NFIC: variants seen among roughly 807,000 people sequenced by gnomAD.
NFIC encodes nuclear factor I C.
A neutral mutation model predicts 54.4 loss-of-function variants in NFIC; 12 were observed. The ratio of observed to expected loss-of-function variants is 0.22; its 90% CI spans 0.14 to 0.36. The LOEUF is 0.36. NFIC is among the 10% of genes least tolerant of loss of function. NFIC has a pLI of 1.00. For missense variants in NFIC, 575 were observed against 718.2 expected, an observed-to-expected ratio of 0.80 and a Z score of 2.28; for synonymous variants, 322 against 319.2, an observed-to-expected ratio of 1.01 and a Z score of -0.09.
upstream of NFIC, among the ~76,000 whole-genome samples, chr19:3,363,263 A>ATTT (rs1210474799): frequency 2.0e-4 from 12 of 60,888 alleles, no homozygotes; most frequent in African/African-American, 6.3e-4. Context: ...ATATATATAT[A>ATTT]TATATATTTT....
At chr19:3,417,873 C>T (rs1227413380) in intron 2 of NFIC, among the ~76,000 whole-genome samples, 1 of 150,046 alleles carries the variant, frequency 6.7e-6, no homozygotes, top group Non-Finnish European at 1.5e-5. Context: ...CTCCTGACCT[C>T]ATGATCCGCC....
At chr19:3,387,346 A>G (rs1014672038) in intron 2 of NFIC, among the ~76,000 whole-genome samples, 1 of 152,122 alleles carries the variant, frequency 6.6e-6, no homozygotes, top group Non-Finnish European at 1.5e-5. Context: ...TACTAAAAAT[A>G]CAAAAATTAG....
Position 3,434,355 on chromosome 19 carries a change from C to A in NFIC, c.788C>A (p.Ala263Asp), listed in dbSNP as rs748564449. The A allele has an allele frequency of 6.2e-7, 1 of 1,613,168 alleles. No individual in the cohort carries two copies. The highest frequency in any genetic ancestry group is 1.3e-5 in the African/African-American group (1 of 74,890). The change falls in exon 5 of 11, where the codon GCC becomes GAC. Residue 263 changes from alanine to aspartate, a missense_variant. Ala to Asp is a moderately radical substitution (Grantham distance 126). Around this residue, in one of 3 missense-constraint regions of NFIC, gnomAD observed 447 missense variants for 526.9 expected, o/e 0.85. Transcript: ENST00000443272. ...CACCTGGCATACGACCTGAACCCAGCCAGCACTGGCCTCAGAAGAACGCTG... is the reference window on the plus strand; with the variant it reads ...CACCTGGCATACGACCTGAACCCAGACAGCACTGGCCTCAGAAGAACGCTG... ...QGHLAYDLNP[A>D]STGLRRTLPS... is the part of the protein sequence containing the mutation.
At chr19:3,423,729 C>T (rs979035742) in intron 2 of NFIC, among the ~76,000 whole-genome samples, 5 of 152,120 alleles carry the variant, frequency 3.3e-5, no homozygotes, top group African/African-American at 7.2e-5. Context: ...GAGGGGCGGG[C>T]GCCGGGGCAG....
At chr19:3,460,166 C>A (rs533797043) in intron 10 of NFIC, among the ~76,000 whole-genome samples, 1 of 152,250 alleles carries the variant, frequency 6.6e-6, no homozygotes, top group Non-Finnish European at 1.5e-5. Context: ...TCCTCAGCCC[C>A]CCTGTGCTTA....
chr19:3,364,691 A>G (rs2080859418), upstream of NFIC, among the ~76,000 whole-genome samples: 1 of 152,168 alleles, frequency 6.6e-6, no homozygotes, highest in Non-Finnish European at 1.5e-5. Context: ...TCTGCTCTCT[A>G]AACTTCACCT....
chr19:3,434,190 C>T, intron 4 of NFIC, 87 bp from the exon 5 acceptor site: 1 of 1,511,736 alleles, frequency 6.6e-7, no homozygotes, highest in Non-Finnish European at 8.8e-7. Flanking sequence ...CTTTGGACTG[C>T]ACCCAGTGGC....
intron 9 of NFIC, chr19:3,454,283 C>T: frequency 1.8e-6 from 2 of 1,095,254 alleles, no homozygotes; most frequent in Non-Finnish European, 2.2e-6. Context: ...GACCCCCAGA[C>T]TGGTCTTTTG....
At position 3,463,624 on chromosome 19, in the gene NFIC, C is replaced by T. The variant is rs905950542; in HGVS notation, c.*855C>T. ...GTCTCTATGCAATTGGCCCCGGCCC[C>T]TCCACCCCCCACCCCCGGCATAGGA... On this transcript the variant is annotated 3_prime_UTR_variant, in exon 11 of 11. Transcript: ENST00000443272. The T allele has an allele frequency of 1.1e-5, 11 of 977,758 alleles. No homozygotes were observed. Among genetic ancestry groups the T allele is most frequent in the East Asian group, 2.3e-4 (2 of 8,622 alleles). 60.6% of individuals were successfully genotyped at this position (977,758 alleles called of 1,614,324 possible).
intron 2 of NFIC, among the ~76,000 whole-genome samples, chr19:3,409,775 C>A (rs1256704263): frequency 6.6e-6 from 1 of 152,076 alleles, no homozygotes; most frequent in Non-Finnish European, 1.5e-5. Context: ...TGCCATCCAG[C>A]GTGCGTGGCT....
Position 3,464,345 on chromosome 19 carries a change from T to C in NFIC, c.*1576T>C. The C allele has an allele frequency of 1.0e-6, 1 of 983,726 alleles. No homozygotes were observed. The highest frequency in any genetic ancestry group is 1.2e-6 in the Non-Finnish European group (1 of 829,324). The allele number at this position is 983,726 out of a possible 1,614,324, so 60.9% of individuals were successfully genotyped here. ...TAGGGGGCCTCCCATCTGCTAAGCG[T>C]TTTTCCGTTGAGCCGCTCCAAAAAC... On this transcript the variant is annotated 3_prime_UTR_variant, in exon 11 of 11. Transcript: ENST00000443272.
chr19:3,447,675 G>C (rs938793305), intron 6 of NFIC, among the ~76,000 whole-genome samples: 1 of 152,294 alleles, frequency 6.6e-6, no homozygotes, highest in Admixed American at 6.5e-5. Flanking sequence ...CACTGCTCCC[G>C]ATGGAAATTC....
intron 2 of NFIC, among the ~76,000 whole-genome samples, chr19:3,401,357 A>T (rs942079172): frequency 6.6e-6 from 1 of 152,136 alleles, no homozygotes; most frequent in Non-Finnish European, 1.5e-5. Flanking sequence ...GGACCAGGGC[A>T]GAGTGGACCG....
intron 2 of NFIC, among the ~76,000 whole-genome samples, chr19:3,423,277 T>C (rs922360155): frequency 7.2e-5 from 11 of 152,110 alleles, no homozygotes; most frequent in African/African-American, 2.4e-4. Context: ...CCAAATGCCC[T>C]CAAGTGCTTC....
chr19:3,430,083 C>A (rs1052970527), intron 3 of NFIC, among the ~76,000 whole-genome samples: 5 of 152,080 alleles, frequency 3.3e-5, no homozygotes, highest in Non-Finnish European at 7.4e-5. Context: ...CCCCACCAGC[C>A]GCCTGCCTTA....
chr19:3,414,959 C>T (rs1271290106), intron 2 of NFIC, among the ~76,000 whole-genome samples: 2 of 152,112 alleles, frequency 1.3e-5, no homozygotes, highest in East Asian at 3.9e-4. Flanking sequence ...CCTGCCTCAA[C>T]CTCCCAAGTA....
chr19:3,393,626 C>T (rs966590356), intron 2 of NFIC, among the ~76,000 whole-genome samples: 11 of 151,262 alleles, frequency 7.3e-5, no homozygotes, highest in African/African-American at 2.7e-4. Context: ...ACCAGCCTGA[C>T]CAACATGATG....
At chr19:3,366,450 G>A, upstream of NFIC, 1 of 501,856 alleles carries the variant, frequency 2.0e-6, no homozygotes. Flanking sequence ...AGAGCGAGGC[G>A]GGCGGCGCGA....
chr19:3,379,315 C>G (rs2081158910), intron 1 of NFIC, among the ~76,000 whole-genome samples: 1 of 152,026 alleles, frequency 6.6e-6, no homozygotes, highest in South Asian at 2.1e-4. Context: ...GCCTCGGTCT[C>G]CCAAAGTGCT....
Sources: allele counts gnomAD v4.1 joint callset (sites outside exome capture counted in the v4.1 genomes callset), GRCh38; gene constraint gnomAD v4.1.1; regional missense constraint gnomAD v4.1.1; transcripts MANE v1.5; gene names NCBI Gene and HGNC (gene_info 2026-07-23, HGNC 2026-07-21).